Variants in ALK observed in about 807,000 individuals in gnomAD.
ALK encodes ALK tyrosine kinase receptor.
A neutral mutation model predicts 163.1 loss-of-function variants in ALK; 74 were observed. The ratio of observed to expected loss-of-function variants is 0.45; its 90% CI spans 0.38 to 0.55. The LOEUF is 0.55. Ranked by LOEUF, ALK falls within the 20% of genes least tolerant of loss-of-function variation. The probability of loss-of-function intolerance (pLI) is 0.00; values close to 1 mark genes in which losing one functional copy is unlikely to be tolerated. For missense variants in ALK, 2,063 were observed against 2,105.3 expected, an observed-to-expected ratio of 0.98 and a Z score of 0.39; for synonymous variants, 960 against 843.2, an observed-to-expected ratio of 1.14 and a Z score of -2.40.
rs201079493 is a variant in ALK at position 29,232,353 on chromosome 2, C to T, written c.2583G>A (p.Leu861=). 12 of 1,614,260 alleles carry T rather than the reference C, an allele frequency of 7.4e-6. No individual in the cohort carries two copies. In the East Asian group the frequency reaches 2.2e-4, roughly 30 times the overall value. Residue 861 remains leucine (L), a synonymous_variant, in exon 15 of 29, where the codon CTG becomes CTA. Transcript: ENST00000389048. The part of the protein sequence containing the change: ...AKTDTFHPER[L]ENNSSVLGLN... ...GCCCTAGAACCGAGGAGTTATTCTC[C>T]AGTCTCTCTGGGTGGAACGTGTCTG...
intron 4 of ALK, among the ~76,000 whole-genome samples, chr2:29,524,255 G>A (rs966156047): frequency 3.9e-5 from 6 of 152,170 alleles, no homozygotes; most frequent in Non-Finnish European, 7.4e-5. Context: ...GCATAAAAAG[G>A]TGTGCAACCC....
intron 9 of ALK, among the ~76,000 whole-genome samples, chr2:29,279,620 T>A (rs1665655494): frequency 6.6e-6 from 1 of 152,146 alleles, no homozygotes. Flanking sequence ...CCACCCAGAT[T>A]CAGGTTTCCC....
chr2:29,588,652 C>T (rs898628738), intron 3 of ALK, among the ~76,000 whole-genome samples: 1 of 152,194 alleles, frequency 6.6e-6, no homozygotes, highest in Non-Finnish European at 1.5e-5. Flanking sequence ...ATATTTTATG[C>T]TTTGTGAGAC....
intron 1 of ALK, among the ~76,000 whole-genome samples, chr2:29,786,350 T>A (rs1265803009): frequency 6.6e-6 from 1 of 152,190 alleles, no homozygotes; most frequent in Non-Finnish European, 1.5e-5. Context: ...ATGGAAACCA[T>A]CTTATTCCAT....
chr2:29,680,146 T>G (rs528099645), intron 3 of ALK, among the ~76,000 whole-genome samples: 2 of 152,002 alleles, frequency 1.3e-5, no homozygotes, highest in Non-Finnish European at 2.9e-5. Context: ...GATGATGATA[T>G]GTCTAGATGT....
chr2:29,750,268 CCCAGGCCACAAA>C (rs1282127905), intron 1 of ALK, among the ~76,000 whole-genome samples: 8 of 152,310 alleles, frequency 5.3e-5, no homozygotes, highest in African/African-American at 9.6e-5. Context: ...GCCTATCGAT[CCCAGGCCACAAA>C]CCAGGCCACA....
chr2:29,201,188 A>G (rs1043553888), intron 26 of ALK, among the ~76,000 whole-genome samples: 5 of 152,056 alleles, frequency 3.3e-5, no homozygotes, highest in African/African-American at 1.2e-4. Context: ...TTAAATGTCC[A>G]TCCAGTGGAT....
intron 13 of ALK, among the ~76,000 whole-genome samples, chr2:29,234,101 G>A (rs766433453): frequency 8.5e-5 from 13 of 152,112 alleles, no homozygotes; most frequent in South Asian, 2.1e-4. Flanking sequence ...AGTGGGGTGC[G>A]TGGGGGAAAA....
intron 3 of ALK, among the ~76,000 whole-genome samples, chr2:29,585,608 G>A (rs571582120): frequency 7.2e-4 from 110 of 152,224 alleles, no homozygotes; most frequent in African/African-American, 2.4e-3. Flanking sequence ...GATCACCCGC[G>A]TGAGCCACTG....
rs532273436 is a variant in ALK, at chr2:29,450,401, A to C, written c.1155-66542T>G. 1.4e-4 allele frequency among the ~76,000 whole-genome samples: 22 copies of C among 152,282 alleles called. No individual in the cohort carries two copies. The East Asian group carries it at 3.9e-3, about 27-fold the overall frequency. ...TAATTGTACCAGGGCTAACTAGGAC[A>C]ATTCCAGGGCACAGGGCTGAGCCCT... On this transcript the variant is annotated intron_variant, in intron 4 of 28. Coordinates refer to ENST00000389048, the MANE Select transcript of ALK (RefSeq NM_004304.5).
At chr2:29,713,250 T>A (rs1679159501) in intron 2 of ALK, among the ~76,000 whole-genome samples, 2 of 152,224 alleles carry the variant, frequency 1.3e-5, no homozygotes, top group African/African-American at 4.8e-5. Context: ...TAATCCAGTA[T>A]GGTCTCATTT....
At chr2:29,533,300 T>A (rs1558371324) in intron 3 of ALK, among the ~76,000 whole-genome samples, 1 of 152,314 alleles carries the variant, frequency 6.6e-6, no homozygotes, top group East Asian at 1.9e-4. Flanking sequence ...GGAAATGTTC[T>A]TATCATGGGC....
rs570800220 is a variant in ALK, at chr2:29,527,018, T to C, written c.1154+4897A>G. Reference sequence around the variant, plus strand: ...GGAGTCTGGGGTGGGGAGAATTACTTCCTGCTGCCCTAGTCCTGGATGGCA... The same window carrying C: ...GGAGTCTGGGGTGGGGAGAATTACTCCCTGCTGCCCTAGTCCTGGATGGCA... On this transcript the variant is annotated intron_variant, in intron 4 of 28. Coordinates refer to ENST00000389048, the MANE Select transcript of ALK (RefSeq NM_004304.5). Among the ~76,000 whole-genome samples, 58 of 152,286 alleles carry C rather than the reference T, an allele frequency of 3.8e-4. No homozygotes were observed. In the South Asian group the frequency reaches 0.011, roughly 30 times the overall value.
chr2:29,584,529 C>A (rs1266588223), intron 3 of ALK, among the ~76,000 whole-genome samples: 6 of 152,170 alleles, frequency 3.9e-5, no homozygotes, highest in African/African-American at 7.2e-5. Context: ...GCTTGAATAC[C>A]AAACAAGATA....
At chr2:29,571,907 C>A (rs1558389773) in intron 3 of ALK, among the ~76,000 whole-genome samples, 1 of 152,124 alleles carries the variant, frequency 6.6e-6, no homozygotes, top group South Asian at 2.1e-4. Context: ...AACTAGAGCA[C>A]CCCACTGGCA....
chr2:29,589,002 C>G (rs566426773), intron 3 of ALK, among the ~76,000 whole-genome samples: 2 of 152,246 alleles, frequency 1.3e-5, no homozygotes, highest in African/African-American at 4.8e-5. Flanking sequence ...CATTGGGTAT[C>G]ATCATCATCA....
intron 1 of ALK, among the ~76,000 whole-genome samples, chr2:29,899,157 C>T (rs1667345945): frequency 6.6e-6 from 1 of 152,180 alleles, no homozygotes; most frequent in Admixed American, 6.5e-5. Context: ...CCCAGCAATG[C>T]CTGTGTTAAC....
intron 1 of ALK, among the ~76,000 whole-genome samples, chr2:29,803,565 G>A (rs73922299): frequency 0.076 from 11,510 of 152,146 alleles, 1,256 homozygotes; most frequent in African/African-American, 0.24. Flanking sequence ...TCAGGGTGCT[G>A]GTCTTTACCT....
chr2:29,690,933 C>G (rs1678377151), intron 3 of ALK, among the ~76,000 whole-genome samples: 1 of 152,162 alleles, frequency 6.6e-6, no homozygotes, highest in Non-Finnish European at 1.5e-5. Flanking sequence ...TCATCTTCAC[C>G]ACCAGCACCC....
Sources: allele counts gnomAD v4.1 joint callset (sites outside exome capture counted in the v4.1 genomes callset), GRCh38; gene constraint gnomAD v4.1.1; transcripts MANE v1.5; gene names NCBI Gene and HGNC (gene_info 2026-07-23, HGNC 2026-07-21).